Variants in OR10J1 observed in about 807,000 individuals in gnomAD.
OR10J1 encodes olfactory receptor family 10 subfamily J member 1, also known as olfactory receptor 10J1.
For missense variants in OR10J1, 474 were observed against 376.6 expected (o/e 1.26, Z -2.14); for synonymous variants, 202 against 143.8 (o/e 1.40, Z -2.89).
the OR10J1 span, among the ~76,000 whole-genome samples, chr1:159,422,234 A>G: frequency 2.0e-4 from 31 of 152,064 alleles, no homozygotes; most frequent in Non-Finnish European, 7.4e-5. Flanking sequence ...TGGTGCATTC[A>G]GGTATTGGCT....
chr1:159,397,885 GCC>G, the OR10J1 span, among the ~76,000 whole-genome samples: 1 of 152,134 alleles, frequency 6.6e-6, no homozygotes, highest in Non-Finnish European at 1.5e-5. Context: ...TGATTATAGA[GCC>G]CCAGGGCCTT....
chr1:159,410,178 G>A, the OR10J1 span, among the ~76,000 whole-genome samples: 1 of 152,152 alleles, frequency 6.6e-6, no homozygotes, highest in East Asian at 1.9e-4. Flanking sequence ...TTGTGTCTCT[G>A]CCCGGCTTTG....
the OR10J1 span, among the ~76,000 whole-genome samples, chr1:159,423,358 T>C: frequency 6.6e-6 from 1 of 152,226 alleles, no homozygotes; most frequent in African/African-American, 2.4e-5. Context: ...CTGTACATCT[T>C]GTGAGGACAG....
chr1:159,426,379 G>T, the OR10J1 span, among the ~76,000 whole-genome samples: 2 of 151,698 alleles, frequency 1.3e-5, no homozygotes, highest in African/African-American at 4.8e-5. Context: ...AAAACAAAAA[G>T]AAAATTGTTG....
chr1:159,430,672 C>T, the OR10J1 span, among the ~76,000 whole-genome samples: 21 of 15,844 alleles, frequency 1.3e-3, no homozygotes, highest in South Asian at 0.01. Context: ...TGTGTGTGCG[C>T]GCGCGCACAT....
chr1:159,435,295 C>T (rs1184140997), upstream of OR10J1, among the ~76,000 whole-genome samples: 1 of 152,150 alleles, frequency 6.6e-6, no homozygotes, highest in Non-Finnish European at 1.5e-5. Flanking sequence ...TCTCTTCTCT[C>T]CTAGTTGCCT....
chr1:159,409,871 C>T, the OR10J1 span, among the ~76,000 whole-genome samples: 1 of 152,086 alleles, frequency 6.6e-6, no homozygotes, highest in African/African-American at 2.4e-5. Flanking sequence ...AGATACGTCC[C>T]ATCAATACCT....
the OR10J1 span, among the ~76,000 whole-genome samples, chr1:159,431,888 A>T: frequency 1.3e-5 from 2 of 152,178 alleles, no homozygotes; most frequent in Non-Finnish European, 2.9e-5. Context: ...CATTTTTAAC[A>T]CGATATTTTC....
At chr1:159,402,808 G>A in the OR10J1 span, among the ~76,000 whole-genome samples, 1 of 151,768 alleles carries the variant, frequency 6.6e-6, no homozygotes, top group South Asian at 2.1e-4. Flanking sequence ...GCCAAAGCTA[G>A]CCTAAGCAAA....
the OR10J1 span, chr1:159,432,338 C>A: frequency 1.0e-5 from 4 of 401,408 alleles, no homozygotes; most frequent in Non-Finnish European, 4.4e-6. Context: ...GCAATGCTAT[C>A]ATCTTGATAG....
chr1:159,428,443 C>G, the OR10J1 span, among the ~76,000 whole-genome samples: 1 of 152,084 alleles, frequency 6.6e-6, no homozygotes, highest in African/African-American at 2.4e-5. Flanking sequence ...TCATAGGTTT[C>G]AATTCCATTC....
chr1:159,435,468 TC>T (rs1488457931), upstream of OR10J1, among the ~76,000 whole-genome samples: 3 of 152,232 alleles, frequency 2.0e-5, no homozygotes, highest in Non-Finnish European at 4.4e-5. Context: ...AACTTATTTT[TC>T]CTATCAATAG....
the OR10J1 span, among the ~76,000 whole-genome samples, chr1:159,410,174 CT>C: frequency 2.0e-5 from 3 of 152,076 alleles, no homozygotes; most frequent in Non-Finnish European, 4.4e-5. Context: ...TTGGTTGTGT[CT>C]CTGCCCGGCT....
the OR10J1 span, among the ~76,000 whole-genome samples, chr1:159,422,908 A>C: frequency 1.3e-5 from 2 of 152,080 alleles, no homozygotes; most frequent in Non-Finnish European, 2.9e-5. Context: ...AACAGGCTAC[A>C]TTGCTTCCCT....
chr1:159,432,092 A>G, the OR10J1 span: 1 of 399,136 alleles, frequency 2.5e-6, no homozygotes. Flanking sequence ...CCAGAGCTAC[A>G]TGCCATTTCA....
rs781616456 is a variant in OR10J1, at chr1:159,439,904, C to A, written c.113C>A (p.Thr38Asn). The A allele has an allele frequency of 1.1e-5, 17 of 1,614,034 alleles. No individual in the cohort carries two copies. The highest frequency in any genetic ancestry group is 1.4e-5 in the Non-Finnish European group (16 of 1,180,026). The change falls in exon 1 of 1, where the codon ACC becomes AAC. Residue 38 changes from threonine to asparagine, a missense_variant. Thr to Asn is a moderately conservative substitution (Grantham distance 65). Transcript: ENST00000423932. ...FGVFLALYIL[T>N]LAGNIIIVTI... The stretch of plus-strand genomic sequence containing the variant: ...GTGTTCCTTGCACTATACATCTTAA[C>A]CTTAGCAGGCAATATCATCATTGTG...
chr1:159,432,727 T>C, the OR10J1 span: 1 of 403,126 alleles, frequency 2.5e-6, no homozygotes, highest in Non-Finnish European at 4.4e-6. Context: ...GCTAATCTCA[T>C]CTCCCACTTC....
upstream of OR10J1, among the ~76,000 whole-genome samples, chr1:159,435,169 AGTGTTCTTTTT>A (rs1169070551): frequency 3.3e-5 from 5 of 152,142 alleles, no homozygotes; most frequent in Non-Finnish European, 7.4e-5. Flanking sequence ...TTTCACTCCG[AGTGTTCTTTTT>A]GTGGTTAATA....
At chr1:159,416,159 G>T in the OR10J1 span, among the ~76,000 whole-genome samples, 1 of 151,986 alleles carries the variant, frequency 6.6e-6, no homozygotes, top group Non-Finnish European at 1.5e-5. Context: ...TTCTTGTCCA[G>T]TTTGAGTATC....
Sources: allele counts gnomAD v4.1 joint callset (sites outside exome capture counted in the v4.1 genomes callset), GRCh38; gene constraint gnomAD v4.1.1; transcripts MANE v1.5; gene names NCBI Gene and HGNC (gene_info 2026-07-23, HGNC 2026-07-21).